Variants in BRWD1 observed in about 807,000 individuals in gnomAD.
The protein encoded by BRWD1 is bromodomain and WD repeat-containing protein 1.
In BRWD1, 82 loss-of-function variants were observed where a neutral mutation model predicts 251.2. The ratio of observed to expected loss-of-function variants is 0.33; its 90% CI spans 0.27 to 0.39. BRWD1 has a LOEUF of 0.39. Among genes scored for constraint, BRWD1 ranks in the 10% least tolerant of loss-of-function variants. The probability of loss-of-function intolerance (pLI) is 1.00; values close to 1 mark genes in which losing one functional copy is unlikely to be tolerated. For missense variants in BRWD1, 2,233 were observed against 2,711.6 expected (o/e 0.82, Z 3.92); for synonymous variants, 918 against 902.8 (o/e 1.02, Z -0.30).
intron 7 of BRWD1, among the ~76,000 whole-genome samples, chr21:39,294,686 A>G (rs2035906882): frequency 6.6e-6 from 1 of 151,754 alleles, no homozygotes; most frequent in African/African-American, 2.4e-5. Context: ...ATTCACATCA[A>G]GCTATATAAT....
chr21:39,313,540 TAGG>T lies in BRWD1; in HGVS notation c.-52_-50del, dbSNP rs1244643571. 3 of 1,310,816 alleles carry T rather than the reference TAGG, an allele frequency of 2.3e-6. No individual in the cohort carries two copies. The highest frequency in any genetic ancestry group is 2.9e-6 in the Non-Finnish European group (3 of 1,036,508). The allele number at this position is 1,310,816 out of a possible 1,614,324, so 81.2% of individuals were successfully genotyped here. Reference sequence around the variant, plus strand: ...GGAGCGAGCGAGCGAGCGGAGCGTGTAGGCCGCGCCGAGGCCTGACCGGGCTGG... The same window carrying T: ...GGAGCGAGCGAGCGAGCGGAGCGTGTCCGCGCCGAGGCCTGACCGGGCTGG... On this transcript the variant is annotated 5_prime_UTR_variant, in exon 1 of 41. Transcript: ENST00000342449.
rs548466591 is a variant in BRWD1 at position 39,198,722 on chromosome 21, T to C, written c.5653+41A>G. 6 of 1,495,578 alleles carry C rather than the reference T, an allele frequency of 4.0e-6. No homozygotes were observed. The South Asian group carries it at 8.0e-5, about 20-fold the overall frequency. The allele number at this position is 1,495,578 out of a possible 1,614,324, so 92.6% of individuals were successfully genotyped here. ...CAATGTGTGTAAGAGAAAAGGATGG[T>C]GAGAGTCAATCAGTGAACAAAGATA... is the stretch of plus-strand genomic sequence containing the variant. On this transcript the variant is annotated intron_variant, in intron 40 of 40. Transcript: ENST00000342449.
rs992399962 is a variant in BRWD1 at position 39,191,553 on chromosome 21, A to G, written c.*4706T>C. On this transcript the variant is annotated 3_prime_UTR_variant, in exon 41 of 41. Coordinates refer to ENST00000342449, the MANE Select transcript of BRWD1 (RefSeq NM_033656.4). ...GTGGAAAACTAAAGATCTGCTTGACAGGCTCATGTAATTTTTTGATTGGGA... is the reference window on the plus strand; with the variant it reads ...GTGGAAAACTAAAGATCTGCTTGACGGGCTCATGTAATTTTTTGATTGGGA... 2.0e-6 allele frequency: 2 copies of G among 983,284 alleles called. No homozygotes were observed. Among genetic ancestry groups the G allele is most frequent in the African/African-American group, 1.7e-5 (1 of 57,296 alleles). 60.9% of individuals were successfully genotyped at this position (983,284 alleles called of 1,614,324 possible). A position where few individuals can be genotyped will look rare whatever the true frequency, so the allele number is the denominator to read the frequency against.
intron 8 of BRWD1, among the ~76,000 whole-genome samples, chr21:39,280,494 T>A (rs1369343819): frequency 6.6e-6 from 1 of 151,848 alleles, no homozygotes; most frequent in Non-Finnish European, 1.5e-5. Context: ...AAGGTGGAGA[T>A]CTAGTCCTAC....
chr21:39,226,482 A>C (rs1236159277), intron 27 of BRWD1, among the ~76,000 whole-genome samples: 2 of 152,246 alleles, frequency 1.3e-5, no homozygotes, highest in Non-Finnish European at 2.9e-5. Flanking sequence ...CTAGAGTTTA[A>C]CTGTAGATAA....
At chr21:39,225,331 A>C (rs2033338701) in intron 27 of BRWD1, 134 bp from the exon 28 acceptor site, 1 of 612,534 alleles carries the variant, frequency 1.6e-6, no homozygotes, top group South Asian at 2.0e-5. Context: ...CAGCGCTCCT[A>C]AACAAACCAA....
intron 10 of BRWD1, among the ~76,000 whole-genome samples, 198 bp from the exon 11 acceptor site, chr21:39,277,549 T>TG (rs1284545955): frequency 6.6e-6 from 1 of 152,296 alleles, no homozygotes; most frequent in Non-Finnish European, 1.5e-5. Context: ...TAATTCAATC[T>TG]GGAAACATTC....
At chr21:39,204,364 TAAATGG>T (rs1345333144) in intron 37 of BRWD1, among the ~76,000 whole-genome samples, 1 of 151,674 alleles carries the variant, frequency 6.6e-6, no homozygotes, top group East Asian at 1.9e-4. Flanking sequence ...GTTGAAAATA[TAAATGG>T]AAACAAACTA....
Position 39,274,422 on chromosome 21 carries a change from T to G in BRWD1, c.1196A>C (p.Gln399Pro), listed in dbSNP as rs1016478815. The change falls in exon 13 of 41, where the codon CAG becomes CCG. Residue 399 changes from glutamine to proline, a missense_variant. This residue lies in a region of BRWD1 where 315 missense variants were observed against 421.8 expected (regional missense o/e 0.75). Coordinates refer to ENST00000342449, the MANE Select transcript of BRWD1 (RefSeq NM_033656.4). ...DGTARIWRFEQLEWRSILLDM... is the reference protein window; with the variant it reads ...DGTARIWRFEPLEWRSILLDM... Reference sequence around the variant, plus strand: ...CAATAAAATGCTCCTCCATTCTAACTGCTCAAATCTCCAAATCCGTGCTGT... The same window carrying G: ...CAATAAAATGCTCCTCCATTCTAACGGCTCAAATCTCCAAATCCGTGCTGT... 3 of 1,614,018 alleles carry G rather than the reference T, an allele frequency of 1.9e-6. No homozygotes were observed. Among genetic ancestry groups the G allele is most frequent in the Non-Finnish European group, 2.5e-6 (3 of 1,179,966 alleles).
intron 21 of BRWD1, among the ~76,000 whole-genome samples, chr21:39,241,930 C>A (rs766170363): frequency 4.6e-5 from 7 of 152,140 alleles, no homozygotes; most frequent in Non-Finnish European, 5.9e-5. Flanking sequence ...GCACTAGGAA[C>A]AATACTCATA....
intron 32 of BRWD1, among the ~76,000 whole-genome samples, chr21:39,213,788 G>T (rs1009760363): frequency 6.6e-6 from 1 of 151,894 alleles, no homozygotes; most frequent in Non-Finnish European, 1.5e-5. Context: ...AATTAAGCAG[G>T]TAATCCAAAA....
chr21:39,251,258 T>C (rs2034384280), intron 19 of BRWD1, among the ~76,000 whole-genome samples: 1 of 152,202 alleles, frequency 6.6e-6, no homozygotes, highest in Non-Finnish European at 1.5e-5. Context: ...ATTCAAGCTA[T>C]GTTTGATAAT....
chr21:39,232,199 G>T lies in BRWD1; in HGVS notation c.2978C>A (p.Pro993Gln). ...TACCCTAAGATCCATTTTTCTCCAT[G>T]GCTCCTTATTAGGGTTCAGTTCATA... Reference protein sequence around the residue: ...NIYELNPNKEPWRKMDLRDQE... With the variant: ...NIYELNPNKEQWRKMDLRDQE... Residue 993 changes from proline to glutamine, a missense_variant, in exon 25 of 41, where the codon CCA becomes CAA. Coordinates refer to ENST00000342449, the MANE Select transcript of BRWD1 (RefSeq NM_033656.4). 3 of 1,611,550 alleles carry T rather than the reference G, an allele frequency of 1.9e-6. No homozygotes were observed. The highest frequency in any genetic ancestry group is 1.7e-6 in the Non-Finnish European group (2 of 1,178,452).
intron 23 of BRWD1, chr21:39,235,619 A>G: frequency 4.5e-6 from 1 of 222,680 alleles, no homozygotes; most frequent in Non-Finnish European, 1.0e-5. Context: ...TCAGGTCAAA[A>G]TCTCTAGGAG....
chr21:39,239,941 G>A (rs1022979058), intron 21 of BRWD1, among the ~76,000 whole-genome samples: 5 of 152,098 alleles, frequency 3.3e-5, no homozygotes, highest in Admixed American at 2.0e-4. Flanking sequence ...CCTACACCCA[G>A]ATGTTTATAC....
At chr21:39,228,671 T>G (rs978055542) in intron 26 of BRWD1, 89 bp from the exon 27 acceptor site, 58 of 640,864 alleles carry the variant, frequency 9.1e-5, no homozygotes, top group Non-Finnish European at 1.4e-4. Context: ...ACATGAGATC[T>G]ACGAATGTAA....
Position 39,270,150 on chromosome 21 carries a change from T to C in BRWD1, c.1396-117A>G, listed in dbSNP as rs943401348. The C allele has an allele frequency of 2.5e-6, 3 of 1,198,660 alleles. No homozygotes were observed. In the African/African-American group the frequency reaches 4.7e-5, roughly 19 times the overall value. 74.3% of individuals were successfully genotyped at this position (1,198,660 alleles called of 1,614,324 possible). ...AAATGTATTCGACAATAATTTATAATTATAAAAATTTCTAATCATTTCATA... is the reference window on the plus strand; with the variant it reads ...AAATGTATTCGACAATAATTTATAACTATAAAAATTTCTAATCATTTCATA... On this transcript the variant is annotated intron_variant, in intron 14 of 40. Transcript: ENST00000342449.
chr21:39,236,912 T>G, intron 22 of BRWD1, 128 bp from the exon 23 acceptor site: 1 of 727,754 alleles, frequency 1.4e-6, no homozygotes, highest in East Asian at 2.6e-5. Context: ...AAGACTTAAC[T>G]TGAGCATTCT....
chr21:39,313,892 C>A, upstream of BRWD1: 1 of 321,490 alleles, frequency 3.1e-6, no homozygotes, highest in South Asian at 2.4e-5. Context: ...GGCGGCTGCC[C>A]GGGCTTTGTG....
Sources: allele counts gnomAD v4.1 joint callset (sites outside exome capture counted in the v4.1 genomes callset), GRCh38; gene constraint gnomAD v4.1.1; regional missense constraint gnomAD v4.1.1; transcripts MANE v1.5; gene names NCBI Gene and HGNC (gene_info 2026-07-23, HGNC 2026-07-21).